AGMO: variants seen among roughly 807,000 people sequenced by gnomAD.
AGMO encodes the protein alkylglycerol monooxygenase.
A neutral mutation model predicts 60.2 loss-of-function variants in AGMO; 75 were observed. The observed-to-expected ratio is 1.25, with a 90% CI of 1.03 to 1.51. The LOEUF is 1.51. Among genes scored for constraint, AGMO ranks in the 40% most tolerant of loss-of-function variants. AGMO has a pLI of 0.00. For missense variants in AGMO, 763 were observed against 525.5 expected (o/e 1.45, Z -4.42); for synonymous variants, 261 against 177.1 (o/e 1.47, Z -3.76).
At chr7:15,377,368 C>T (rs1382969629) in intron 10 of AGMO, among the ~76,000 whole-genome samples, 1 of 152,044 alleles carries the variant, frequency 6.6e-6, no homozygotes, top group Non-Finnish European at 1.5e-5. Context: ...AATATATCTA[C>T]ATGAGTTTCT....
At chr7:15,231,469 C>A (rs750785305) in intron 12 of AGMO, among the ~76,000 whole-genome samples, 4 of 152,100 alleles carry the variant, frequency 2.6e-5, no homozygotes, top group Non-Finnish European at 4.4e-5. Flanking sequence ...TTTGAAATTC[C>A]CTTTTGTATT....
At chr7:15,167,388 A>G in the AGMO span, among the ~76,000 whole-genome samples, 1 of 152,212 alleles carries the variant, frequency 6.6e-6, no homozygotes, top group Non-Finnish European at 1.5e-5. Flanking sequence ...CAAAAGGATT[A>G]TGAAGAGACT....
At chr7:15,173,030 C>T in the AGMO span, among the ~76,000 whole-genome samples, 1 of 152,102 alleles carries the variant, frequency 6.6e-6, no homozygotes, top group Non-Finnish European at 1.5e-5. Context: ...TTCTTTATAG[C>T]TTCTTTTCCT....
chr7:15,438,381 G>T (rs1400976398), intron 3 of AGMO, among the ~76,000 whole-genome samples: 2 of 152,042 alleles, frequency 1.3e-5, no homozygotes, highest in Non-Finnish European at 1.5e-5. Context: ...CTAGAAGGTA[G>T]ATATTTATAT....
chr7:15,228,236 A>G lies in AGMO; in HGVS notation c.1264-26877T>C, dbSNP rs185727937. 3.7e-4 allele frequency among the ~76,000 whole-genome samples: 57 copies of G among 152,268 alleles called. 1 individual carries two copies. The East Asian group carries it at 8.5e-3, about 23-fold the overall frequency. ...TTTGGTGGGCAAGTGATTAAAAAAA[A>G]TCCATCTTAAATTAACAGGTAGTTT... On this transcript the variant is annotated intron_variant, in intron 12 of 12. Transcript: ENST00000342526.
At chr7:15,303,707 T>C (rs959863552) in intron 12 of AGMO, among the ~76,000 whole-genome samples, 2 of 152,070 alleles carry the variant, frequency 1.3e-5, no homozygotes, top group African/African-American at 4.8e-5. Flanking sequence ...AAGTGGAGCA[T>C]GGGGAACTTG....
At chr7:15,259,772 C>G (rs1783212158) in intron 12 of AGMO, among the ~76,000 whole-genome samples, 1 of 151,684 alleles carries the variant, frequency 6.6e-6, no homozygotes, top group Non-Finnish European at 1.5e-5. Context: ...TTAAACAAAA[C>G]AGTTATGAGC....
At chr7:15,503,167 T>C (rs911440644) in intron 3 of AGMO, among the ~76,000 whole-genome samples, 1 of 151,952 alleles carries the variant, frequency 6.6e-6, no homozygotes, top group Non-Finnish European at 1.5e-5. Flanking sequence ...CACAAGACAC[T>C]TGGATAGATG....
intron 12 of AGMO, among the ~76,000 whole-genome samples, chr7:15,286,375 G>A (rs1297794581): frequency 1.3e-5 from 2 of 150,300 alleles, no homozygotes; most frequent in African/African-American, 4.9e-5. Flanking sequence ...AAATCAGCAG[G>A]AAAAAAAACA....
the AGMO span, among the ~76,000 whole-genome samples, chr7:15,158,731 G>A: frequency 6.6e-6 from 1 of 152,130 alleles, no homozygotes; most frequent in Non-Finnish European, 1.5e-5. Flanking sequence ...AGAATTGATT[G>A]CCTCTTATTT....
intron 12 of AGMO, among the ~76,000 whole-genome samples, chr7:15,354,504 A>ACGCG (rs1451727408): frequency 0.014 from 482 of 35,588 alleles, 38 homozygotes; most frequent in Non-Finnish European, 0.018. Flanking sequence ...GTGTATATAT[A>ACGCG]TATATATATA....
chr7:15,171,494 G>A, the AGMO span, among the ~76,000 whole-genome samples: 66 of 152,246 alleles, frequency 4.3e-4, no homozygotes, highest in African/African-American at 1.4e-3. Context: ...TCTAGATTTG[G>A]GTTGTGAGGA....
intron 12 of AGMO, among the ~76,000 whole-genome samples, chr7:15,220,987 A>C (rs935375820): frequency 1.3e-5 from 2 of 152,212 alleles, no homozygotes; most frequent in Non-Finnish European, 2.9e-5. Flanking sequence ...AACATTCAAG[A>C]AAGTTGGAAG....
chr7:15,319,804 T>G (rs1156777954), intron 12 of AGMO, among the ~76,000 whole-genome samples: 1 of 152,132 alleles, frequency 6.6e-6, no homozygotes, highest in South Asian at 2.1e-4. Flanking sequence ...TTATTATATG[T>G]CTTTAATATT....
At chr7:15,529,757 T>C (rs1348606310) in intron 3 of AGMO, among the ~76,000 whole-genome samples, 1 of 114,664 alleles carries the variant, frequency 8.7e-6, no homozygotes. Flanking sequence ...TATTTCTATA[T>C]ATATATTTCT....
intron 12 of AGMO, among the ~76,000 whole-genome samples, chr7:15,213,297 C>A (rs1217886413): frequency 6.6e-6 from 1 of 151,698 alleles, no homozygotes; most frequent in Non-Finnish European, 1.5e-5. Flanking sequence ...GGACTCTCAT[C>A]CTTTGGGTCA....
At chr7:15,412,563 A>T (rs13221912) in intron 5 of AGMO, among the ~76,000 whole-genome samples, 42,636 of 151,798 alleles carry the variant, frequency 0.28, 6,556 homozygotes, top group Middle Eastern at 0.39. Context: ...CAGAGGTTGA[A>T]AAGTTGTAAA....
intron 5 of AGMO, among the ~76,000 whole-genome samples, chr7:15,412,429 C>T (rs1191502285): frequency 6.6e-6 from 1 of 151,748 alleles, no homozygotes; most frequent in Non-Finnish European, 1.5e-5. Context: ...AGGGGGAAAT[C>T]CTAGAAAGAC....
chr7:15,461,100 C>T (rs528392876), intron 3 of AGMO, among the ~76,000 whole-genome samples: 2 of 152,028 alleles, frequency 1.3e-5, no homozygotes, highest in South Asian at 4.2e-4. Flanking sequence ...TTTTATAAGG[C>T]CCCTAGATAA....
Sources: gnomAD v4.1 joint callset for allele counts (sites outside exome capture counted in the v4.1 genomes callset) on GRCh38, gnomAD v4.1.1 for gene constraint, MANE v1.5 for transcripts, NCBI Gene and HGNC (gene_info 2026-07-23, HGNC 2026-07-21) for gene names.